Variants in MVB12B observed in about 807,000 individuals in gnomAD.
MVB12B encodes the protein multivesicular body subunit 12B, also known as ESCRT-I complex subunit MVB12B.
In MVB12B, 16 loss-of-function variants were observed where a neutral mutation model predicts 41.6. That is an observed-to-expected ratio of 0.38 (90% CI 0.26 to 0.58). The LOEUF (loss-of-function observed/expected upper bound fraction) is 0.58. MVB12B is among the 20% of genes least tolerant of loss of function. MVB12B has a pLI of 0.62. For missense variants in MVB12B, 274 were observed against 380.2 expected (o/e 0.72, Z 2.32); for synonymous variants, 133 against 139.7 (o/e 0.95, Z 0.34).
chr9:126,445,583 G>A (rs867951920), intron 7 of MVB12B, among the ~76,000 whole-genome samples: 16 of 152,018 alleles, frequency 1.1e-4, no homozygotes, highest in Middle Eastern at 3.4e-3. Flanking sequence ...GATTACAGGC[G>A]TGAGCCACCG....
At chr9:126,454,756 G>A (rs949347702) in intron 7 of MVB12B, among the ~76,000 whole-genome samples, 3 of 151,590 alleles carry the variant, frequency 2.0e-5, no homozygotes, top group Non-Finnish European at 4.4e-5. Flanking sequence ...ACAGTGAATA[G>A]CCTTCTGGTA....
chr9:126,366,932 C>T (rs1036099996), intron 2 of MVB12B, among the ~76,000 whole-genome samples: 1 of 152,186 alleles, frequency 6.6e-6, no homozygotes, highest in Non-Finnish European at 1.5e-5. Flanking sequence ...CCAAACCGAA[C>T]TCCTCTTCTG....
chr9:126,404,161 G>A (rs1054618891), intron 6 of MVB12B, among the ~76,000 whole-genome samples: 14 of 151,960 alleles, frequency 9.2e-5, no homozygotes, highest in Non-Finnish European at 1.6e-4. Flanking sequence ...CACCATATTG[G>A]CCAGGCTGGT....
Position 126,376,482 on chromosome 9 carries a change from TG to T in MVB12B, c.205-4576del. ...AGCTCATGGGCTGGAGCCCTGTGGG[TG>T]GGGGGCCTGCTGGCTGGTGTGCTAC... On this transcript the variant is annotated intron_variant, in intron 2 of 9. Transcript: ENST00000361171. The surrounding 1 kb of genome is among the most constrained non-coding windows in gnomAD (Gnocchi z 4.1). 21 of 1,285,932 alleles carry T rather than the reference TG, an allele frequency of 1.6e-5. No individual in the cohort carries two copies. The highest frequency in any genetic ancestry group is 2.0e-5 in the Non-Finnish European group (20 of 986,348). The allele number at this position is 1,285,932 out of a possible 1,614,324, so 79.7% of individuals were successfully genotyped here.
intron 2 of MVB12B, among the ~76,000 whole-genome samples, chr9:126,347,490 A>G (rs1205966537): frequency 6.6e-6 from 1 of 152,234 alleles, no homozygotes; most frequent in Non-Finnish European, 1.5e-5. Flanking sequence ...TTTCCTGAAT[A>G]CTTGGAGTTT....
chr9:126,330,355 A>C (rs1298845062), intron 1 of MVB12B, among the ~76,000 whole-genome samples: 1 of 152,050 alleles, frequency 6.6e-6, no homozygotes. Context: ...AACAGATTCT[A>C]ATCAGCAGAG....
At chr9:126,471,834 C>T (rs2119191684) in intron 7 of MVB12B, among the ~76,000 whole-genome samples, 1 of 152,252 alleles carries the variant, frequency 6.6e-6, no homozygotes, top group South Asian at 2.1e-4. Flanking sequence ...TAATTTTATT[C>T]CGAAAATGAC....
intron 2 of MVB12B, among the ~76,000 whole-genome samples, chr9:126,372,409 C>T (rs1830365122): frequency 6.6e-6 from 1 of 152,212 alleles, no homozygotes; most frequent in Admixed American, 6.5e-5. Flanking sequence ...ATTGCTGGGT[C>T]ATATGCTAAC....
rs753293210 is a variant in MVB12B, at chr9:126,441,408, G to A, written c.757+19460G>A. The stretch of plus-strand genomic sequence containing the variant: ...GGGAAAAGAGATGAACTCAGTAAGC[G>A]ATACATTCTGTCCTAAAATAAGACT... On this transcript the variant is annotated intron_variant, in intron 7 of 9. Transcript: ENST00000361171. Among the ~76,000 whole-genome samples, 11 of 152,306 alleles carry A rather than the reference G, an allele frequency of 7.2e-5. No individual in the cohort carries two copies. In the South Asian group the frequency reaches 2.1e-3, roughly 29 times the overall value.
At chr9:126,412,511 C>A (rs958544907) in intron 6 of MVB12B, among the ~76,000 whole-genome samples, 1 of 152,230 alleles carries the variant, frequency 6.6e-6, no homozygotes. Context: ...AGCACCACCA[C>A]GCTGGATGCT....
intron 2 of MVB12B, among the ~76,000 whole-genome samples, chr9:126,350,917 C>T (rs1829728233): frequency 6.6e-6 from 1 of 152,152 alleles, no homozygotes. Context: ...CCTATATCTA[C>T]AAAAAACTTG....
rs150122046 is a variant in MVB12B at position 126,473,757 on chromosome 9, C to G, written c.758-7612C>G. 7.9e-4 allele frequency among the ~76,000 whole-genome samples: 120 copies of G among 152,340 alleles called. No individual in the cohort carries two copies. The highest frequency in any genetic ancestry group is 2.7e-3 in the African/African-American group (111 of 41,566). ...CATAGCTCAGTCATCTCCCGCCGGG[C>G]CCCCTCCAATACCGGGGATTACAAT... On this transcript the variant is annotated intron_variant, in intron 7 of 9. Coordinates refer to ENST00000361171, the MANE Select transcript of MVB12B (RefSeq NM_033446.3). This position sits in a 1 kb window ranked among gnomAD's most constrained non-coding sequence, Gnocchi z 4.0.
chr9:126,476,271 C>T (rs1466560459), intron 7 of MVB12B, among the ~76,000 whole-genome samples: 2 of 152,254 alleles, frequency 1.3e-5, no homozygotes, highest in Admixed American at 1.3e-4. Context: ...CACCCAGGCA[C>T]CTCAATGCCT....
intron 2 of MVB12B, among the ~76,000 whole-genome samples, chr9:126,379,231 C>T (rs1363524501): frequency 2.6e-5 from 4 of 152,206 alleles, no homozygotes; most frequent in Admixed American, 2.6e-4. Context: ...AATTGGGATG[C>T]ATCTTAAAAT....
At chr9:126,499,097 G>A (rs1019115295) in intron 9 of MVB12B, among the ~76,000 whole-genome samples, 9 of 152,150 alleles carry the variant, frequency 5.9e-5, no homozygotes, top group Admixed American at 2.6e-4. Context: ...TCTTTGCCTC[G>A]AAGCTGGGTG....
At chr9:126,334,658 C>T (rs1167280921) in intron 1 of MVB12B, among the ~76,000 whole-genome samples, 1 of 152,140 alleles carries the variant, frequency 6.6e-6, no homozygotes, top group East Asian at 1.9e-4. Flanking sequence ...TCCTTTTTTT[C>T]TCCTTCTCTA....
intron 3 of MVB12B, among the ~76,000 whole-genome samples, chr9:126,381,658 T>G (rs965307771): frequency 5.3e-5 from 8 of 152,188 alleles, no homozygotes; most frequent in Non-Finnish European, 2.9e-5. Flanking sequence ...TTGACTCATG[T>G]AGATTTCTCT....
At chr9:126,481,906 A>G (rs1285564198) in intron 8 of MVB12B, among the ~76,000 whole-genome samples, 1 of 152,262 alleles carries the variant, frequency 6.6e-6, no homozygotes. Flanking sequence ...TCCCATTGTC[A>G]TAGCTGCATT....
At chr9:126,372,602 T>G (rs1830369852) in intron 2 of MVB12B, among the ~76,000 whole-genome samples, 1 of 152,222 alleles carries the variant, frequency 6.6e-6, no homozygotes. Context: ...GGTATCTCAT[T>G]GTGGTTAAGT....
Sources: allele counts gnomAD v4.1 joint callset (sites outside exome capture counted in the v4.1 genomes callset), GRCh38; gene constraint gnomAD v4.1.1; non-coding constraint Gnocchi (gnomAD v3.1); transcripts MANE v1.5; gene names NCBI Gene and HGNC (gene_info 2026-07-23, HGNC 2026-07-21).